GFRA1: variants seen among roughly 807,000 people sequenced by gnomAD.
GFRA1 encodes GDNF family receptor alpha-1.
A neutral mutation model predicts 51.6 loss-of-function variants in GFRA1; 16 were observed. That is an observed-to-expected ratio of 0.31 (90% CI 0.21 to 0.47). The LOEUF is 0.47. GFRA1 is among the 20% of genes least tolerant of loss of function. The probability of loss-of-function intolerance (pLI) is 1.00; values close to 1 mark genes in which losing one functional copy is unlikely to be tolerated. For missense variants in GFRA1, 530 were observed against 594.3 expected, an observed-to-expected ratio of 0.89 and a Z score of 1.13; for synonymous variants, 270 against 241.3, an observed-to-expected ratio of 1.12 and a Z score of -1.10.
chr10:116,173,799 C>T (rs1021531488), intron 5 of GFRA1, among the ~76,000 whole-genome samples: 6 of 152,060 alleles, frequency 3.9e-5, no homozygotes, highest in African/African-American at 7.2e-5. Context: ...TCAGTTGGCC[C>T]GGCGCGGTGG....
At chr10:116,152,734 G>C (rs561451955) in intron 5 of GFRA1, among the ~76,000 whole-genome samples, 1 of 152,284 alleles carries the variant, frequency 6.6e-6, no homozygotes, top group Admixed American at 6.5e-5. Flanking sequence ...AATATCCAAG[G>C]AAGTGTCTTT....
chr10:116,209,010 C>T (rs190620774), intron 5 of GFRA1, among the ~76,000 whole-genome samples: 1 of 152,190 alleles, frequency 6.6e-6, no homozygotes. Context: ...GAAAACATGG[C>T]CCCGTGGCCC....
rs142701902 is a variant in GFRA1 at position 116,094,201 on chromosome 10, G to A, written c.881-365C>T. On this transcript the variant is annotated intron_variant, in intron 7 of 10. Coordinates refer to ENST00000355422, the MANE Select transcript of GFRA1 (RefSeq NM_005264.8). ...TTAATCTTCATAAATAGATAGAGCC[G>A]GGTTTACATATCTTAAACAATTTTG... Among the ~76,000 whole-genome samples the A allele has an allele frequency of 1.2e-3, 185 of 152,154 alleles. 4 individuals carry two copies. In the South Asian group the frequency reaches 0.032, roughly 26 times the overall value.
intron 6 of GFRA1, among the ~76,000 whole-genome samples, chr10:116,104,183 G>T (rs1470198808): frequency 6.6e-6 from 1 of 152,240 alleles, no homozygotes; most frequent in Non-Finnish European, 1.5e-5. Context: ...TGGCAGTTTA[G>T]CAAGACAGCG....
chr10:116,129,979 G>A (rs10787623), intron 5 of GFRA1, among the ~76,000 whole-genome samples: 18 of 150,884 alleles, frequency 1.2e-4, no homozygotes, highest in Admixed American at 2.6e-4. Context: ...ATGGAATGAC[G>A]AAATCAAGCT....
intron 9 of GFRA1, among the ~76,000 whole-genome samples, chr10:116,083,979 A>G (rs1401339985): frequency 6.6e-6 from 1 of 152,174 alleles, no homozygotes; most frequent in Non-Finnish European, 1.5e-5. Context: ...GGAGATAAGG[A>G]AATGTATTGA....
chr10:116,084,474 C>G (rs571202498), intron 9 of GFRA1, among the ~76,000 whole-genome samples: 44 of 152,248 alleles, frequency 2.9e-4, no homozygotes, highest in African/African-American at 9.4e-4. Context: ...CACAGCTATC[C>G]TCACCTACCC....
intron 4 of GFRA1, among the ~76,000 whole-genome samples, chr10:116,240,241 C>G (rs1000664712): frequency 2.0e-5 from 3 of 152,086 alleles, no homozygotes; most frequent in South Asian, 2.1e-4. Flanking sequence ...CCTCCTACTC[C>G]CATTATGGTG....
At chr10:116,240,278 T>C (rs1181109439) in intron 4 of GFRA1, among the ~76,000 whole-genome samples, 1 of 152,146 alleles carries the variant, frequency 6.6e-6, no homozygotes, top group African/African-American at 2.4e-5. Flanking sequence ...GCTTGAGTTC[T>C]TGCTGGAAGA....
chr10:116,151,198 C>T (rs986558834), intron 5 of GFRA1, among the ~76,000 whole-genome samples: 5 of 152,176 alleles, frequency 3.3e-5, no homozygotes, highest in African/African-American at 1.2e-4. Flanking sequence ...GTACAAGCTC[C>T]AGGCATGCTT....
chr10:116,249,043 C>A lies in GFRA1; in HGVS notation c.418+20460G>T, dbSNP rs566004934. ...TCTCATCTCACACTGACCACTCTGG[C>A]CCGCCCCTTTGCCCCACACAACCTT... On this transcript the variant is annotated intron_variant, in intron 4 of 10. Transcript: ENST00000355422. Among the ~76,000 whole-genome samples, 9 of 152,346 alleles carry A rather than the reference C, an allele frequency of 5.9e-5. No individual in the cohort carries two copies. In the South Asian group the frequency reaches 1.9e-3, roughly 32 times the overall value.
At chr10:116,074,352 G>A (rs1479379197) in intron 9 of GFRA1, among the ~76,000 whole-genome samples, 1 of 152,150 alleles carries the variant, frequency 6.6e-6, no homozygotes, top group African/African-American at 2.4e-5. Flanking sequence ...TCATTATCCT[G>A]GTGACAGCTA....
intron 4 of GFRA1, among the ~76,000 whole-genome samples, chr10:116,257,914 GT>G (rs1212095622): frequency 1.3e-5 from 2 of 152,116 alleles, no homozygotes; most frequent in Non-Finnish European, 2.9e-5. Flanking sequence ...TGGACACACT[GT>G]GCCTTTGCCC....
At chr10:116,145,400 C>A (rs547040502) in intron 5 of GFRA1, among the ~76,000 whole-genome samples, 1 of 150,454 alleles carries the variant, frequency 6.6e-6, no homozygotes, top group Non-Finnish European at 1.5e-5. Context: ...ATTCTGAGGA[C>A]AGGAAAGAAT....
intron 4 of GFRA1, among the ~76,000 whole-genome samples, chr10:116,213,933 G>T (rs1167213760): frequency 1.2e-4 from 19 of 152,134 alleles, no homozygotes. Flanking sequence ...GGATGTAAAT[G>T]GGTCCTATCA....
rs763278976 is a variant in GFRA1, at chr10:116,271,123, G to A, written c.41-8C>T. On this transcript the variant is annotated splice_region_variant and splice_polypyrimidine_tract_variant and intron_variant, in intron 2 of 10. Transcript: ENST00000355422. ...CGGCCGACAGGAGCAAGTCTGCGGG[G>A]CAGAGGGGAGGGAGCCTGAGTGCGG... The A allele has an allele frequency of 1.9e-5, 30 of 1,597,918 alleles. No individual in the cohort carries two copies. Among genetic ancestry groups the A allele is most frequent in the East Asian group, 1.6e-4 (7 of 44,362 alleles).
chr10:116,103,954 T>C (rs1049491367), intron 6 of GFRA1, among the ~76,000 whole-genome samples: 2 of 152,136 alleles, frequency 1.3e-5, no homozygotes, highest in African/African-American at 4.8e-5. Flanking sequence ...AGTATTTGCC[T>C]AGGAGTAGGC....
chr10:116,138,344 G>A (rs1373735252), intron 5 of GFRA1, among the ~76,000 whole-genome samples: 1 of 151,164 alleles, frequency 6.6e-6, no homozygotes, highest in African/African-American at 2.5e-5. Context: ...ATCAGACTTG[G>A]AATTCGCTGA....
chr10:116,243,107 C>T (rs578114096), intron 4 of GFRA1, among the ~76,000 whole-genome samples: 42 of 152,214 alleles, frequency 2.8e-4, no homozygotes, highest in African/African-American at 9.2e-4. Context: ...TACATTTATG[C>T]GTCTCAAATT....
Sources: gnomAD v4.1 joint callset for allele counts (sites outside exome capture counted in the v4.1 genomes callset) on GRCh38, gnomAD v4.1.1 for gene constraint, MANE v1.5 for transcripts, NCBI Gene and HGNC (gene_info 2026-07-23, HGNC 2026-07-21) for gene names.